Variants in PRR14L observed in about 807,000 individuals in gnomAD.
The protein encoded by PRR14L is proline rich 14 like.
Under a neutral mutation model 155.0 loss-of-function variants are expected in PRR14L, and 80 were observed. That is an observed-to-expected ratio of 0.52 (90% confidence interval 0.43 to 0.62). The LOEUF is 0.62. PRR14L is among the 20% of genes least tolerant of loss of function. PRR14L has a pLI of 0.00. For missense variants in PRR14L, 2,469 were observed against 2,548.0 expected, an observed-to-expected ratio of 0.97 and a Z score of 0.67; for synonymous variants, 883 against 916.0, an observed-to-expected ratio of 0.96 and a Z score of 0.65.
chr22:31,744,019 T>C (rs1256763988), intron 1 of PRR14L, among the ~76,000 whole-genome samples: 1 of 146,384 alleles, frequency 6.8e-6, no homozygotes, highest in Non-Finnish European at 1.5e-5. Flanking sequence ...TGCTCATTCA[T>C]TAAAAAAAAA....
At chr22:31,732,205 T>C (rs943501445) in intron 2 of PRR14L, among the ~76,000 whole-genome samples, 4 of 152,214 alleles carry the variant, frequency 2.6e-5, no homozygotes, top group Non-Finnish European at 5.9e-5. Context: ...AGGACAACAC[T>C]ATAGATATTG....
At chr22:31,739,056 G>C (rs768412649) in intron 1 of PRR14L, 145 bp from the exon 2 acceptor site, 109 of 537,066 alleles carry the variant, frequency 2.0e-4, no homozygotes, top group South Asian at 1.3e-3. Context: ...TCTCCTTAAT[G>C]AATTTGTAGA....
rs2074470491 is a variant in PRR14L, at chr22:31,684,274, C to T, written c.*1253G>A. The T allele has an allele frequency of 6.6e-6, 1 of 152,284 alleles. No individual in the cohort carries two copies. The highest frequency in any genetic ancestry group is 6.6e-5 in the Admixed American group (1 of 15,262). The allele number at this position is 152,284 out of a possible 1,614,324, so 9.4% of individuals were successfully genotyped here. ...AGATGTGACGTAGGAGCCCAGAGTA[C>T]AATGAGGTGGCCCTCAAAGAAGGCT... is the stretch of plus-strand genomic sequence containing the variant. On this transcript the variant is annotated 3_prime_UTR_variant, in exon 9 of 9. Transcript: ENST00000327423.
intron 7 of PRR14L, among the ~76,000 whole-genome samples, chr22:31,698,397 C>A (rs1226868678): frequency 6.6e-6 from 1 of 151,964 alleles, no homozygotes; most frequent in Non-Finnish European, 1.5e-5. Context: ...ATTGGTTTGT[C>A]CAATATACTT....
chr22:31,711,294 G>A (rs1428311626), intron 4 of PRR14L, among the ~76,000 whole-genome samples: 1 of 152,038 alleles, frequency 6.6e-6, no homozygotes, highest in Non-Finnish European at 1.5e-5. Context: ...CCAACATGGT[G>A]AAACCGTCTC....
At chr22:31,690,297 C>A (rs1452536775) in intron 7 of PRR14L, among the ~76,000 whole-genome samples, 4 of 151,954 alleles carry the variant, frequency 2.6e-5, no homozygotes, top group African/African-American at 9.7e-5. Flanking sequence ...GATCCACCCA[C>A]CTCGGCCTCT....
At chr22:31,745,178 CCATCCTGGCTAA>C (rs2074831279) in intron 1 of PRR14L, among the ~76,000 whole-genome samples, 1 of 152,056 alleles carries the variant, frequency 6.6e-6, no homozygotes, top group African/African-American at 2.4e-5. Flanking sequence ...GAGATCGAGA[CCATCCTGGCTAA>C]CACAGTGAAA....
intron 2 of PRR14L, among the ~76,000 whole-genome samples, chr22:31,726,382 C>T (rs183248832): frequency 2.2e-4 from 34 of 152,152 alleles, no homozygotes; most frequent in Admixed American, 1.8e-3. Context: ...CCACCTGCCT[C>T]GGCCTCCCAA....
intron 7 of PRR14L, among the ~76,000 whole-genome samples, chr22:31,692,666 C>T (rs2074517257): frequency 6.6e-6 from 1 of 152,152 alleles, no homozygotes. Context: ...CAGGGGGAGA[C>T]AGTCTCACTC....
intron 2 of PRR14L, among the ~76,000 whole-genome samples, chr22:31,730,767 CCAAA>C (rs1253619908): frequency 3.3e-5 from 5 of 152,094 alleles, no homozygotes; most frequent in Admixed American, 6.6e-5. Flanking sequence ...GTGATGGTTG[CCAAA>C]CAGTGTTTTT....
At position 31,683,239 on chromosome 22, in the gene PRR14L, A is replaced by C. The variant is rs969633109; in HGVS notation, c.*2288T>G. 5.3e-5 allele frequency: 8 copies of C among 152,230 alleles called. No homozygotes were observed. The highest frequency in any genetic ancestry group is 1.2e-4 in the Non-Finnish European group (8 of 68,076). The allele number at this position is 152,230 out of a possible 1,614,324, so 9.4% of individuals were successfully genotyped here. A position where few individuals can be genotyped will look rare whatever the true frequency, so the allele number is the denominator to read the frequency against. The stretch of plus-strand genomic sequence containing the variant: ...ACCTGTAACAGGCACAGTTGAAACT[A>C]TCTCTGCCATGTTGGTGACACTATA... On this transcript the variant is annotated 3_prime_UTR_variant, in exon 9 of 9. Transcript: ENST00000327423.
Position 31,714,072 on chromosome 22 carries a change from GT to G in PRR14L, c.3766del (p.Thr1256LeufsTer3). On this transcript the variant is annotated frameshift_variant, in exon 4 of 9. Coordinates refer to ENST00000327423, the MANE Select transcript of PRR14L (RefSeq NM_173566.3). LOFTEE classifies it high-confidence loss of function. ...NSETNVNSEETDLKNLCKPKD... is the reference protein window; with the variant it reads ...NSETNVNSEEXDLKNLCKPKD... Reference sequence around the variant, plus strand: ...TGGTTTACAAAGATTTTTCAGGTCAGTTTCTTCACTGTTAACATTAGTTTCT... The same window carrying G: ...TGGTTTACAAAGATTTTTCAGGTCAGTTCTTCACTGTTAACATTAGTTTCT... 6.5e-7 allele frequency: 1 copy of G among 1,550,110 alleles called. No individual in the cohort carries two copies. The highest frequency in any genetic ancestry group is 8.7e-7 in the Non-Finnish European group (1 of 1,146,670).
chr22:31,719,471 T>G (rs1005226800), intron 3 of PRR14L, among the ~76,000 whole-genome samples: 5 of 152,114 alleles, frequency 3.3e-5, no homozygotes, highest in African/African-American at 1.2e-4. Flanking sequence ...TACTAGAATG[T>G]AAACTCTGTG....
rs1312885175 is a variant in PRR14L at position 31,712,743 on chromosome 22, G to A, written c.5096C>T (p.Thr1699Ile). The A allele has an allele frequency of 5.2e-6, 8 of 1,551,800 alleles. No homozygotes were observed. Among genetic ancestry groups the A allele is most frequent in the Non-Finnish European group, 7.0e-6 (8 of 1,147,022 alleles). The stretch of plus-strand genomic sequence containing the variant: ...CATCTTGTTGCTCAAATCTATGAAG[G>A]TCATCTTGATGGATTCGAGAGAATA... ...ALYSLESIKMTFIDLSNKMPS... is the reference protein window; with the variant it reads ...ALYSLESIKMIFIDLSNKMPS... Residue 1699 changes from threonine (T) to isoleucine (I), a missense_variant, in exon 4 of 9, where the codon ACC becomes ATC. By Grantham distance (89) the Thr-to-Ile change is moderately conservative. Around this residue, in one of 2 missense-constraint regions of PRR14L, gnomAD observed 2,363 missense variants for 2,371.6 expected, o/e 1.00. Transcript: ENST00000327423.
At position 31,738,847 on chromosome 22, in the gene PRR14L, CCAGATGACAGCATTAGGA is replaced by C. The variant is rs761165626; in HGVS notation, c.-5_13del. 4.5e-6 allele frequency: 7 copies of C among 1,540,330 alleles called. No homozygotes were observed. The South Asian group carries it at 6.0e-5, about 13-fold the overall frequency. ...AAGTGGAACTGGCTGAGTCTCTACT[CCAGATGACAGCATTAGGA>C]CAGATGCAGATTATGGAGTCAAGTC... On this transcript the variant is annotated start_lost and 5_prime_UTR_variant, in exon 2 of 9. Coordinates refer to ENST00000327423, the MANE Select transcript of PRR14L (RefSeq NM_173566.3).
At chr22:31,707,296 G>GTTT (rs1314287861) in intron 4 of PRR14L, among the ~76,000 whole-genome samples, 1 of 152,126 alleles carries the variant, frequency 6.6e-6, no homozygotes, top group African/African-American at 2.4e-5. Context: ...GACGAAAAGG[G>GTTT]GCAAAAGGGT....
chr22:31,711,969 T>A, intron 4 of PRR14L, 114 bp downstream of exon 4: 3 of 985,248 alleles, frequency 3.0e-6, no homozygotes, highest in Non-Finnish European at 4.5e-6. Context: ...AAATAGAAAA[T>A]GCAGACCCAA....
Position 31,713,295 on chromosome 22 carries a change from ACTC to A in PRR14L, c.4541_4543del (p.Gly1514del), listed in dbSNP as rs1231241978. 3.9e-6 allele frequency: 6 copies of A among 1,551,820 alleles called. No individual in the cohort carries two copies. The highest frequency in any genetic ancestry group is 2.6e-6 in the Non-Finnish European group (3 of 1,147,014). On this transcript the variant is annotated inframe_deletion, in exon 4 of 9. Coordinates refer to ENST00000327423, the MANE Select transcript of PRR14L (RefSeq NM_173566.3). ...ATGGGGCTGCTTCTTTAAGGGAAGA[ACTC>A]CTTTCTTCGCAAAGGCACCATGTAT... is the stretch of plus-strand genomic sequence containing the variant.
chr22:31,710,546 G>C (rs1024205903), intron 4 of PRR14L, among the ~76,000 whole-genome samples: 4 of 151,398 alleles, frequency 2.6e-5, no homozygotes, highest in Non-Finnish European at 5.9e-5. Flanking sequence ...TCTGCCTCCC[G>C]GGTTCATGCC....
Sources: gnomAD v4.1 joint callset for allele counts (sites outside exome capture counted in the v4.1 genomes callset) on GRCh38, gnomAD v4.1.1 for gene constraint, gnomAD v4.1.1 regional missense constraint, MANE v1.5 for transcripts, NCBI Gene and HGNC (gene_info 2026-07-23, HGNC 2026-07-21) for gene names.